STXBP6: variants seen among roughly 807,000 people sequenced by gnomAD.
The protein encoded by STXBP6 is syntaxin-binding protein 6.
In STXBP6, 21 loss-of-function variants were observed where a neutral mutation model predicts 26.9. The observed-to-expected ratio is 0.78, with a 90% CI of 0.55 to 1.12. The LOEUF (loss-of-function observed/expected upper bound fraction) is 1.12. Ranked by LOEUF, STXBP6 falls within the 50% of genes most tolerant of loss-of-function variation. The pLI is 0.00. For missense variants in STXBP6, 232 were observed against 257.9 expected, an observed-to-expected ratio of 0.90 and a Z score of 0.69; for synonymous variants, 97 against 92.6, an observed-to-expected ratio of 1.05 and a Z score of -0.27.
intron 2 of STXBP6, among the ~76,000 whole-genome samples, chr14:24,868,840 G>C (rs529251849): frequency 6.6e-6 from 1 of 152,194 alleles, no homozygotes; most frequent in East Asian, 1.9e-4. Context: ...CTTCATTGCA[G>C]TTGACTCTCC....
intron 2 of STXBP6, among the ~76,000 whole-genome samples, chr14:24,928,272 G>A (rs61978775): frequency 0.058 from 8,770 of 152,204 alleles, 374 homozygotes; most frequent in Non-Finnish European, 0.091. Context: ...GGAAAAAACT[G>A]AAAAGTGGGA....
intron 1 of STXBP6, among the ~76,000 whole-genome samples, chr14:24,997,703 C>T (rs915776344): frequency 1.3e-5 from 2 of 152,166 alleles, no homozygotes; most frequent in South Asian, 4.1e-4. Context: ...AAATAAAAGG[C>T]TGCTGTAAAT....
chr14:24,922,914 C>A (rs1319230823), intron 2 of STXBP6, among the ~76,000 whole-genome samples: 2 of 152,042 alleles, frequency 1.3e-5, no homozygotes, highest in African/African-American at 2.4e-5. Flanking sequence ...CTATTCTAAT[C>A]TTTAATATAA....
intron 1 of STXBP6, among the ~76,000 whole-genome samples, chr14:25,008,168 T>C (rs1292994261): frequency 6.6e-6 from 1 of 152,226 alleles, no homozygotes; most frequent in African/African-American, 2.4e-5. Context: ...ACATGGGAAG[T>C]AGCCACAATT....
In STXBP6 at chr14:24,842,957, A is replaced by G. The variant is rs114573322; in HGVS notation, c.451+12979T>C. On this transcript the variant is annotated intron_variant, in intron 4 of 5. Transcript: ENST00000323944. Reference sequence around the variant, plus strand: ...TAGAGCTGGGAAGTATAATAGGCCCAAAAGAGGGGAGTCACAATTTTGGAA... The same window carrying G: ...TAGAGCTGGGAAGTATAATAGGCCCGAAAGAGGGGAGTCACAATTTTGGAA... Among the ~76,000 whole-genome samples, 778 of 152,294 alleles carry G rather than the reference A, an allele frequency of 5.1e-3. 6 individuals carry two copies. Among genetic ancestry groups the G allele is most frequent in the African/African-American group, 0.018 (741 of 41,558 alleles).
At chr14:24,838,385 C>T (rs2068685154) in intron 4 of STXBP6, among the ~76,000 whole-genome samples, 1 of 151,992 alleles carries the variant, frequency 6.6e-6, no homozygotes, top group Non-Finnish European at 1.5e-5. Context: ...GAAATGTGGA[C>T]ATTCAAAAAA....
intron 1 of STXBP6, among the ~76,000 whole-genome samples, chr14:25,005,548 CA>C (rs1045088362): frequency 1.3e-5 from 2 of 152,122 alleles, no homozygotes; most frequent in African/African-American, 4.8e-5. Context: ...TGCAGATGTA[CA>C]AAAAGAACAT....
rs151272334 is a variant in STXBP6 at position 25,048,532 on chromosome 14, C to A, written c.-33+1346G>T. Among the ~76,000 whole-genome samples the A allele has an allele frequency of 1.5e-3, 230 of 152,318 alleles. 1 individual carries two copies. Among genetic ancestry groups the A allele is most frequent in the Non-Finnish European group, 2.6e-4 (18 of 68,030 alleles). On this transcript the variant is annotated intron_variant, in intron 1 of 5. Transcript: ENST00000323944. ...AGGAAAAAGCAAAGAGAAAAACAGG[C>A]AGCAGAATGGTGAGCCCCTAAATCC... is the stretch of plus-strand genomic sequence containing the variant.
intron 2 of STXBP6, among the ~76,000 whole-genome samples, chr14:24,863,123 G>T (rs796921413): frequency 9.9e-5 from 15 of 151,948 alleles, no homozygotes; most frequent in African/African-American, 3.6e-4. Context: ...TAAATGACAG[G>T]TAGTCCTGGA....
intron 4 of STXBP6, among the ~76,000 whole-genome samples, chr14:24,830,620 T>G (rs1183209936): frequency 6.6e-6 from 1 of 152,212 alleles, no homozygotes; most frequent in Non-Finnish European, 1.5e-5. Flanking sequence ...AGGTTATGTA[T>G]GCTTAAGTTG....
intron 2 of STXBP6, among the ~76,000 whole-genome samples, chr14:24,966,142 T>C (rs1407917966): frequency 1.3e-5 from 2 of 152,178 alleles, no homozygotes; most frequent in African/African-American, 2.4e-5. Flanking sequence ...CCTTTTTAAA[T>C]GAAATATTTG....
At chr14:25,046,456 T>C (rs1566584550) in intron 1 of STXBP6, among the ~76,000 whole-genome samples, 1 of 152,160 alleles carries the variant, frequency 6.6e-6, no homozygotes, top group Non-Finnish European at 1.5e-5. Context: ...TACTGATAGG[T>C]TTCTCTAGTG....
intron 2 of STXBP6, among the ~76,000 whole-genome samples, chr14:24,897,429 GAAAAA>G (rs71121805): frequency 8.0e-6 from 1 of 125,622 alleles, no homozygotes; most frequent in Admixed American, 8.9e-5. Context: ...AAAAAAAAAG[GAAAAA>G]AAAAAAAAGA....
chr14:24,967,875 C>G (rs1013559284), intron 2 of STXBP6, among the ~76,000 whole-genome samples: 1 of 152,216 alleles, frequency 6.6e-6, no homozygotes, highest in South Asian at 2.1e-4. Context: ...ACACCCCTCC[C>G]AAGTGAATTA....
At chr14:24,817,886 AGAT>A (rs928402002) in intron 5 of STXBP6, 5 of 361,052 alleles carry the variant, frequency 1.4e-5, no homozygotes, top group Admixed American at 3.7e-5. Flanking sequence ...AGAATGAATG[AGAT>A]GACAAGACAG....
chr14:24,970,401 CA>C (rs2073870854), intron 2 of STXBP6, among the ~76,000 whole-genome samples: 1 of 152,164 alleles, frequency 6.6e-6, no homozygotes, highest in African/African-American at 2.4e-5. Context: ...AAAATTGCCT[CA>C]GGCCCCTTCT....
intron 1 of STXBP6, among the ~76,000 whole-genome samples, chr14:25,026,014 T>G (rs1242041101): frequency 6.6e-6 from 1 of 152,246 alleles, no homozygotes; most frequent in Non-Finnish European, 1.5e-5. Context: ...CCGTGTATCT[T>G]TGCCTTTACA....
At position 24,809,826 on chromosome 14, in the gene STXBP6, T is replaced by C. The variant is rs2138631824; in HGVS notation, c.*2883A>G. On this transcript the variant is annotated 3_prime_UTR_variant, in exon 6 of 6. Coordinates refer to ENST00000323944, the MANE Select transcript of STXBP6 (RefSeq NM_001394410.1). Reference sequence around the variant, plus strand: ...ATCAGTAGTGTCACAATTTCTAAAATTAAGAGCTAAACCTATCTTTAATGC... The same window carrying C: ...ATCAGTAGTGTCACAATTTCTAAAACTAAGAGCTAAACCTATCTTTAATGC... 6.6e-6 allele frequency: 1 copy of C among 152,306 alleles called. No individual in the cohort carries two copies. The highest frequency in any genetic ancestry group is 2.1e-4 in the South Asian group (1 of 4,828). The allele number at this position is 152,306 out of a possible 1,614,324, so 9.4% of individuals were successfully genotyped here. A position where few individuals can be genotyped will look rare whatever the true frequency, so the allele number is the denominator to read the frequency against.
chr14:24,998,374 T>C (rs2074662735), intron 1 of STXBP6, among the ~76,000 whole-genome samples: 1 of 152,194 alleles, frequency 6.6e-6, no homozygotes, highest in South Asian at 2.1e-4. Flanking sequence ...ATGCATTAAT[T>C]AGAGATGAAA....
Sources: allele counts gnomAD v4.1 joint callset (sites outside exome capture counted in the v4.1 genomes callset), GRCh38; gene constraint gnomAD v4.1.1; transcripts MANE v1.5; gene names NCBI Gene and HGNC (gene_info 2026-07-23, HGNC 2026-07-21).